The following SPATS2 variants were observed in gnomAD, a reference collection of about 807,000 sequenced individuals.
SPATS2 encodes the protein spermatogenesis associated serine rich 2.
Under a neutral mutation model 63.7 loss-of-function variants are expected in SPATS2, and 38 were observed. That is an observed-to-expected ratio of 0.60 (90% CI 0.46 to 0.78). The LOEUF is 0.78. Ranked by LOEUF, SPATS2 falls within the 30% of genes least tolerant of loss-of-function variation. The pLI, the probability that SPATS2 is intolerant of heterozygous loss-of-function variation, is 0.00. For synonymous variants in SPATS2, 207 were observed against 232.9 expected (o/e 0.89, Z 1.01); for missense variants, 588 against 666.2 (o/e 0.88, Z 1.29).
intron 9 of SPATS2, among the ~76,000 whole-genome samples, chr12:49,501,117 C>A (rs1307314594): frequency 6.6e-6 from 1 of 152,062 alleles, no homozygotes; most frequent in South Asian, 2.1e-4. Context: ...ACACCTGGCT[C>A]ATTTTTTAAT....
At chr12:49,417,797 A>C (rs759214543) in intron 2 of SPATS2, among the ~76,000 whole-genome samples, 51 of 152,246 alleles carry the variant, frequency 3.3e-4, no homozygotes, top group Non-Finnish European at 1.5e-4. Flanking sequence ...GCCTAAATGT[A>C]ATCATTAACC....
At chr12:49,378,428 G>C (rs920700233) in intron 2 of SPATS2, among the ~76,000 whole-genome samples, 2 of 151,972 alleles carry the variant, frequency 1.3e-5, no homozygotes, top group Non-Finnish European at 2.9e-5. Context: ...CTCCTGAGTA[G>C]CTGGGACTAC....
chr12:49,508,671 G>A (rs1166903081), intron 9 of SPATS2, among the ~76,000 whole-genome samples: 1 of 151,796 alleles, frequency 6.6e-6, no homozygotes, highest in Non-Finnish European at 1.5e-5. Flanking sequence ...CTGGGCTCAA[G>A]TGATCCTCCT....
At chr12:49,386,930 T>G (rs935018773) in intron 2 of SPATS2, 3 of 152,220 alleles carry the variant, frequency 2.0e-5, no homozygotes, top group South Asian at 2.1e-4. Context: ...AGATACGGTA[T>G]GGAAAGATCA....
At chr12:49,423,926 G>A (rs1199905424) in intron 2 of SPATS2, among the ~76,000 whole-genome samples, 1 of 152,114 alleles carries the variant, frequency 6.6e-6, no homozygotes, top group Non-Finnish European at 1.5e-5. Flanking sequence ...ACTCAGACCA[G>A]GCGCAGTGGC....
chr12:49,486,704 C>G (rs1946299831), intron 4 of SPATS2, among the ~76,000 whole-genome samples: 1 of 150,780 alleles, frequency 6.6e-6, no homozygotes, highest in African/African-American at 2.4e-5. Flanking sequence ...TGGCGTGAAC[C>G]TGGGAGGCAG....
At chr12:49,466,561 C>CT (rs1945920058) in intron 3 of SPATS2, among the ~76,000 whole-genome samples, 1 of 152,194 alleles carries the variant, frequency 6.6e-6, no homozygotes, top group Admixed American at 6.6e-5. Context: ...CGAGGCTATC[C>CT]TTTCCTCCAT....
intron 2 of SPATS2, among the ~76,000 whole-genome samples, chr12:49,406,011 G>A (rs1050548224): frequency 1.3e-5 from 2 of 152,058 alleles, no homozygotes; most frequent in African/African-American, 4.8e-5. Context: ...TCAGAACAAT[G>A]CCTTTGGTTT....
intron 2 of SPATS2, among the ~76,000 whole-genome samples, chr12:49,386,562 A>G (rs1944322114): frequency 6.6e-6 from 1 of 152,212 alleles, no homozygotes; most frequent in African/African-American, 2.4e-5. Context: ...GAATTTAACC[A>G]GGGAGGGGTT....
chr12:49,508,472 C>T (rs1229319841), intron 9 of SPATS2, among the ~76,000 whole-genome samples: 1 of 152,240 alleles, frequency 6.6e-6, no homozygotes, highest in East Asian at 1.9e-4. Context: ...CTGCCTTGGC[C>T]TCCCAAAGTA....
Position 49,524,874 on chromosome 12 carries a change from A to C in SPATS2, c.1304A>C (p.Gln435Pro). ...GCAGCCATAGCAAACTCCAGTGGCCAGCCCTACCAGCCACTTCGGGAGGTA... is the reference window on the plus strand; with the variant it reads ...GCAGCCATAGCAAACTCCAGTGGCCCGCCCTACCAGCCACTTCGGGAGGTA... ...TPAAIANSSG[Q>P]PYQPLREVLP... is the part of the protein sequence containing the mutation. Residue 435 changes from glutamine to proline, a missense_variant, in exon 13 of 14, where the codon CAG (glutamine) becomes CCG (proline). Transcript: ENST00000552918. The C allele has an allele frequency of 6.2e-7, 1 of 1,612,126 alleles. No individual in the cohort carries two copies. The highest frequency in any genetic ancestry group is 1.3e-5 in the African/African-American group (1 of 75,020).
At chr12:49,372,052 TATTTG>T (rs1944007676) in intron 2 of SPATS2, among the ~76,000 whole-genome samples, 1 of 152,004 alleles carries the variant, frequency 6.6e-6, no homozygotes, top group South Asian at 2.1e-4. Context: ...TTTTATTTTT[TATTTG>T]TTTTTTTGGA....
At chr12:49,428,756 T>A (rs1314643974) in intron 2 of SPATS2, among the ~76,000 whole-genome samples, 3 of 152,228 alleles carry the variant, frequency 2.0e-5, no homozygotes, top group Non-Finnish European at 4.4e-5. Context: ...TTCTATATGC[T>A]TGGAATCTCC....
intron 9 of SPATS2, among the ~76,000 whole-genome samples, chr12:49,500,959 G>C (rs769751580): frequency 6.6e-6 from 1 of 151,582 alleles, no homozygotes; most frequent in Non-Finnish European, 1.5e-5. Flanking sequence ...TATTATTGTT[G>C]TTTTTTGAGA....
chr12:49,491,805 G>T (rs764143753), intron 6 of SPATS2, among the ~76,000 whole-genome samples: 6 of 152,144 alleles, frequency 3.9e-5, no homozygotes, highest in Non-Finnish European at 8.8e-5. Context: ...CTTAAAATCA[G>T]ATGCTTTTCC....
At chr12:49,427,591 AC>A (rs1290770060) in intron 2 of SPATS2, among the ~76,000 whole-genome samples, 4 of 152,224 alleles carry the variant, frequency 2.6e-5, no homozygotes, top group Non-Finnish European at 1.5e-5. Flanking sequence ...AAGAAGTTGT[AC>A]CAGTTTACAT....
At chr12:49,430,946 C>T (rs1432666969) in intron 2 of SPATS2, among the ~76,000 whole-genome samples, 4 of 152,146 alleles carry the variant, frequency 2.6e-5, no homozygotes, top group Non-Finnish European at 4.4e-5. Flanking sequence ...ATGATCCACC[C>T]GCCTCAGTGG....
At chr12:49,467,123 A>G (rs1945934420) in intron 3 of SPATS2, among the ~76,000 whole-genome samples, 1 of 134,798 alleles carries the variant, frequency 7.4e-6, no homozygotes, top group Non-Finnish European at 1.5e-5. Context: ...ATCTCGGCTG[A>G]CTGCAGCCTC....
chr12:49,406,178 A>G (rs576879662), intron 2 of SPATS2, among the ~76,000 whole-genome samples: 1 of 152,198 alleles, frequency 6.6e-6, no homozygotes, highest in East Asian at 1.9e-4. Context: ...GCAGGAGGAT[A>G]GCTTGAATTC....
Sources: allele counts gnomAD v4.1 joint callset (sites outside exome capture counted in the v4.1 genomes callset), GRCh38; gene constraint gnomAD v4.1.1; transcripts MANE v1.5; gene names NCBI Gene and HGNC (gene_info 2026-07-23, HGNC 2026-07-21).